Variants in OLFM3 observed in about 807,000 individuals in gnomAD.
The protein encoded by OLFM3 is olfactomedin 3.
In OLFM3, 20 loss-of-function variants were observed where a neutral mutation model predicts 48.6. That is an observed-to-expected ratio of 0.41 (90% CI 0.29 to 0.60). The LOEUF (loss-of-function observed/expected upper bound fraction) is 0.60. Among genes scored for constraint, OLFM3 ranks in the 20% least tolerant of loss-of-function variants. The pLI, the probability that OLFM3 is intolerant of heterozygous loss-of-function variation, is 0.28. For synonymous variants in OLFM3, 222 were observed against 198.1 expected, an observed-to-expected ratio of 1.12 and a Z score of -1.01; for missense variants, 437 against 544.3, an observed-to-expected ratio of 0.80 and a Z score of 1.96.
At chr1:101,873,474 T>A (rs1657172666) in intron 1 of OLFM3, among the ~76,000 whole-genome samples, 1 of 151,976 alleles carries the variant, frequency 6.6e-6, no homozygotes, top group Admixed American at 6.6e-5. Context: ...ATCATGTTAG[T>A]CATTTGTGGA....
chr1:101,975,083 A>G (rs945645), intron 1 of OLFM3, among the ~76,000 whole-genome samples: 37,689 of 152,148 alleles, frequency 0.25, 5,246 homozygotes, highest in Middle Eastern at 0.36. Context: ...TTTACAGATG[A>G]AAGTAAATCA....
intron 1 of OLFM3, among the ~76,000 whole-genome samples, chr1:101,921,200 TACACACACAC>T (rs142071103): frequency 4.0e-5 from 6 of 148,160 alleles, no homozygotes; most frequent in Admixed American, 2.7e-4. Context: ...TTTAAGTTTA[TACACACACAC>T]ACACACACAC....
At chr1:101,989,371 A>G (rs995481396) in intron 1 of OLFM3, among the ~76,000 whole-genome samples, 3 of 152,112 alleles carry the variant, frequency 2.0e-5, no homozygotes, top group African/African-American at 2.4e-5. Context: ...ACATTTTTGA[A>G]TGTTGCCATT....
At chr1:101,869,988 T>A (rs1657011947) in intron 1 of OLFM3, among the ~76,000 whole-genome samples, 1 of 152,194 alleles carries the variant, frequency 6.6e-6, no homozygotes, top group Non-Finnish European at 1.5e-5. Flanking sequence ...GAGAACAGAC[T>A]AATACAGGTA....
chr1:101,975,472 C>A (rs1219025794), intron 1 of OLFM3, among the ~76,000 whole-genome samples: 1 of 151,006 alleles, frequency 6.6e-6, no homozygotes. Context: ...GTAGAGAAAT[C>A]TTCAAAACAT....
At chr1:101,837,865 A>C (rs1655511208) in intron 1 of OLFM3, 1 of 152,098 alleles carries the variant, frequency 6.6e-6, no homozygotes, top group Non-Finnish European at 1.5e-5. Context: ...CTCCTTTATA[A>C]ACCATGAATT....
chr1:101,824,648 AC>A (rs1654766217), intron 4 of OLFM3, among the ~76,000 whole-genome samples: 1 of 22,490 alleles, frequency 4.4e-5, no homozygotes, highest in Non-Finnish European at 1.1e-4. Context: ...TAACCAAACA[AC>A]AACAACAACA....
At chr1:101,944,538 T>TG (rs1055548625) in intron 1 of OLFM3, among the ~76,000 whole-genome samples, 4 of 152,188 alleles carry the variant, frequency 2.6e-5, no homozygotes, top group Non-Finnish European at 2.9e-5. Flanking sequence ...CATGTGCACC[T>TG]GCCCATCTTC....
chr1:101,903,393 A>C (rs539286875), intron 1 of OLFM3, among the ~76,000 whole-genome samples: 1 of 152,236 alleles, frequency 6.6e-6, no homozygotes, highest in Non-Finnish European at 1.5e-5. Flanking sequence ...AGGATATTCA[A>C]AGGTTAATTA....
chr1:101,969,188 C>A (rs181173541), intron 1 of OLFM3, among the ~76,000 whole-genome samples: 141 of 152,318 alleles, frequency 9.3e-4, no homozygotes, highest in African/African-American at 3.3e-3. Context: ...CCCTCTGTCA[C>A]CCAGGCTGGA....
chr1:101,996,799 G>C lies in OLFM3; in HGVS notation c.18C>G (p.Asn6Lys). The change falls in exon 1 of 6, where the codon AAC (asparagine) becomes AAG (lysine). Residue 6 changes from asparagine (N) to lysine (K), a missense_variant. By Grantham distance (94) the Asn-to-Lys change is moderately conservative (BLOSUM62 0). Transcript: ENST00000370103. MQATS[N>K]LLNLLLLSLF... ...AAGACAGCAGCAGGAGGTTGAGAAG[G>C]TTGGACGTCGCCTGCATTCTGATCT... is the stretch of plus-strand genomic sequence containing the variant. The C allele has an allele frequency of 6.2e-7, 1 of 1,614,256 alleles. No homozygotes were observed. The highest frequency in any genetic ancestry group is 1.1e-5 in the South Asian group (1 of 91,090).
rs71592233 is a variant in OLFM3 at position 101,967,590 on chromosome 1, G to GAAAAAAAAAAAAAA, written c.69+29144_69+29157dup. 8.0e-3 allele frequency among the ~76,000 whole-genome samples: 356 copies of GAAAAAAAAAAAAAA among 44,588 alleles called. 42 individuals carry two copies. Among genetic ancestry groups the GAAAAAAAAAAAAAA allele is most frequent in the East Asian group, 0.067 (57 of 854 alleles). The allele number at this position is 44,588 out of a possible 152,430, so 29.3% of individuals were successfully genotyped here. A position where few individuals can be genotyped will look rare whatever the true frequency, so the allele number is the denominator to read the frequency against. On this transcript the variant is annotated intron_variant, in intron 1 of 5. Coordinates refer to ENST00000370103, the MANE Select transcript of OLFM3 (RefSeq NM_058170.4). ...CCTTTTTACTTCCATCCTAGTCAGT[G>GAAAAAAAAAAAAAA]AAAAAAAAAAAAAAAAAAAAAAAAG...
At chr1:101,854,037 G>T (rs1046782179) in intron 1 of OLFM3, among the ~76,000 whole-genome samples, 13 of 151,888 alleles carry the variant, frequency 8.6e-5, no homozygotes, top group Admixed American at 6.6e-4. Context: ...TAGCATAGGG[G>T]TGGCAGAAGG....
intron 1 of OLFM3, among the ~76,000 whole-genome samples, chr1:101,971,310 G>A (rs546315509): frequency 6.6e-6 from 1 of 152,288 alleles, no homozygotes; most frequent in Non-Finnish European, 1.5e-5. Flanking sequence ...GTGGAAGGTG[G>A]AAGATACTTG....
chr1:101,886,688 G>A (rs554634726), intron 1 of OLFM3, among the ~76,000 whole-genome samples: 12 of 152,154 alleles, frequency 7.9e-5, no homozygotes, highest in Admixed American at 3.3e-4. Flanking sequence ...ATGAAACCAC[G>A]TAGCTGAGGC....
At chr1:101,967,304 A>AC (rs1337209520) in intron 1 of OLFM3, among the ~76,000 whole-genome samples, 1 of 52,528 alleles carries the variant, frequency 1.9e-5, no homozygotes, top group Admixed American at 2.3e-4. Context: ...TGGCCAAAAA[A>AC]CAAAAAAAAC....
At chr1:101,862,318 C>G (rs1656692275) in intron 1 of OLFM3, among the ~76,000 whole-genome samples, 1 of 152,126 alleles carries the variant, frequency 6.6e-6, no homozygotes, top group South Asian at 2.1e-4. Context: ...AACAAAGTGT[C>G]TCAGTGTTAC....
intron 1 of OLFM3, among the ~76,000 whole-genome samples, chr1:101,974,448 A>G (rs561814041): frequency 4.6e-5 from 7 of 152,182 alleles, no homozygotes; most frequent in Non-Finnish European, 8.8e-5. Context: ...GGAGTGCCTT[A>G]AAGATCCTGA....
chr1:101,823,494 G>C (rs1370732388), intron 4 of OLFM3, among the ~76,000 whole-genome samples: 1 of 151,952 alleles, frequency 6.6e-6, no homozygotes, highest in Non-Finnish European at 1.5e-5. Flanking sequence ...ACATTGTAAG[G>C]CACACATGAC....
Sources: allele counts gnomAD v4.1 joint callset (sites outside exome capture counted in the v4.1 genomes callset), GRCh38; gene constraint gnomAD v4.1.1; transcripts MANE v1.5; gene names NCBI Gene and HGNC (gene_info 2026-07-23, HGNC 2026-07-21).